The following MLIP variants were observed in gnomAD, a reference collection of about 807,000 sequenced individuals.
MLIP encodes the protein muscular LMNA interacting protein.
MLIP carries 79 observed loss-of-function variants against 84.8 expected under a neutral mutation model. The observed-to-expected ratio is 0.93, with a 90% confidence interval of 0.78 to 1.12. MLIP has a LOEUF of 1.12. MLIP is among the 50% of genes most tolerant of loss of function. The probability of loss-of-function intolerance (pLI) is 0.00; values close to 1 mark genes in which losing one functional copy is unlikely to be tolerated. For missense variants in MLIP, 1,257 were observed against 1,160.6 expected (o/e 1.08, Z -1.21); for synonymous variants, 504 against 463.0 (o/e 1.09, Z -1.14).
chr6:54,205,462 T>C (rs1484585713), intron 11 of MLIP, among the ~76,000 whole-genome samples: 3 of 152,214 alleles, frequency 2.0e-5, no homozygotes, highest in Non-Finnish European at 2.9e-5. Flanking sequence ...TTGGATGGGA[T>C]TGTTAAGTCA....
intron 1 of MLIP, among the ~76,000 whole-genome samples, chr6:54,034,820 C>T (rs1764337165): frequency 6.6e-6 from 1 of 152,078 alleles, no homozygotes; most frequent in Non-Finnish European, 1.5e-5. Context: ...ATGTCCTAGG[C>T]CATCATCCTC....
chr6:54,207,817 A>T (rs940033617), intron 11 of MLIP, among the ~76,000 whole-genome samples: 1 of 152,246 alleles, frequency 6.6e-6, no homozygotes, highest in Non-Finnish European at 1.5e-5. Context: ...GGCCACTGCC[A>T]TATTTAGAAC....
intron 4 of MLIP, among the ~76,000 whole-genome samples, chr6:54,142,911 A>G (rs1772439918): frequency 6.6e-6 from 1 of 151,182 alleles, no homozygotes; most frequent in South Asian, 2.1e-4. Context: ...GAAAAAAACA[A>G]CAACAACAAA....
chr6:54,252,194 ATATAT>A lies in MLIP; in HGVS notation c.2923-5109_2923-5105del, dbSNP rs1265816428. Among the ~76,000 whole-genome samples, 7 of 107,474 alleles carry A rather than the reference ATATAT, an allele frequency of 6.5e-5. No homozygotes were observed. The East Asian group carries it at 1.8e-3, about 27-fold the overall frequency. The allele number at this position is 107,474 out of a possible 152,430, so 70.5% of individuals were successfully genotyped here. A position where few individuals can be genotyped will look rare whatever the true frequency, so the allele number is the denominator to read the frequency against. ...TATTATAACATAATATATAACTATA[ATATAT>A]TATAACATATAATATATAACTATAT... On this transcript the variant is annotated intron_variant, in intron 12 of 13. Transcript: ENST00000502396.
intron 12 of MLIP, among the ~76,000 whole-genome samples, chr6:54,244,475 T>A (rs1781945212): frequency 6.6e-6 from 1 of 152,194 alleles, no homozygotes; most frequent in African/African-American, 2.4e-5. Flanking sequence ...AAGAAGCTTC[T>A]GTTCAAAATG....
At position 54,211,299 on chromosome 6, in the gene MLIP, G is replaced by A. The variant is rs1020860507; in HGVS notation, c.2718+9066G>A. Among the ~76,000 whole-genome samples, 116 of 152,284 alleles carry A rather than the reference G, an allele frequency of 7.6e-4. 1 individual carries two copies. The highest frequency in any genetic ancestry group is 2.8e-3 in the African/African-American group (115 of 41,570). ...TATTTTATCTGCAAAAGGAAAGCAA[G>A]TTTATATGATGTTTATTACATTGGG... On this transcript the variant is annotated intron_variant, in intron 11 of 13. Transcript: ENST00000502396.
At chr6:54,263,835 T>G (rs890365826) in intron 13 of MLIP, among the ~76,000 whole-genome samples, 1 of 152,134 alleles carries the variant, frequency 6.6e-6, no homozygotes, top group Non-Finnish European at 1.5e-5. Context: ...GTTGTTTCAT[T>G]GGCAATATAA....
intron 13 of MLIP, among the ~76,000 whole-genome samples, chr6:54,261,256 T>G (rs910513783): frequency 2.0e-5 from 3 of 152,050 alleles, no homozygotes; most frequent in African/African-American, 4.8e-5. Flanking sequence ...TGCAGACTTG[T>G]TTGTGAAAGT....
chr6:54,155,531 C>T (rs941338962), intron 5 of MLIP, among the ~76,000 whole-genome samples: 5 of 152,080 alleles, frequency 3.3e-5, no homozygotes, highest in African/African-American at 1.2e-4. Flanking sequence ...TTAGATCATT[C>T]TTCCTTTGGA....
At chr6:54,190,013 AT>A (rs2150673257) in intron 10 of MLIP, 99 bp downstream of exon 10, 1 of 804,940 alleles carries the variant, frequency 1.2e-6, no homozygotes, top group Non-Finnish European at 2.0e-6. Context: ...TACTATATAT[AT>A]TTTTATTCAC....
At chr6:54,175,601 T>C (rs1776205575) in intron 9 of MLIP, among the ~76,000 whole-genome samples, 1 of 152,132 alleles carries the variant, frequency 6.6e-6, no homozygotes, top group Admixed American at 6.6e-5. Flanking sequence ...TGATTTTGTA[T>C]CCTGCACCTT....
At chr6:54,103,926 T>C (rs753029838) in intron 1 of MLIP, among the ~76,000 whole-genome samples, 3 of 152,292 alleles carry the variant, frequency 2.0e-5, no homozygotes, top group East Asian at 1.9e-4. Flanking sequence ...TTTTCTATTA[T>C]ATGATACCTT....
At chr6:54,230,416 C>T (rs1047439521) in intron 11 of MLIP, among the ~76,000 whole-genome samples, 5 of 152,154 alleles carry the variant, frequency 3.3e-5, no homozygotes, top group Non-Finnish European at 5.9e-5. Flanking sequence ...TATCTTCTTC[C>T]TTACAGATAT....
At chr6:54,247,822 G>T (rs1457708498) in intron 12 of MLIP, among the ~76,000 whole-genome samples, 3 of 152,104 alleles carry the variant, frequency 2.0e-5, no homozygotes, top group Non-Finnish European at 4.4e-5. Flanking sequence ...GCTCTTGGGG[G>T]TGTACTGCTA....
chr6:54,063,166 C>T (rs1457138209), intron 1 of MLIP: 1 of 150,626 alleles, frequency 6.6e-6, no homozygotes, highest in Non-Finnish European at 1.5e-5. Context: ...GGTGTCATTG[C>T]TTTCCAGCCT....
chr6:54,060,929 G>A (rs114018072), intron 1 of MLIP, among the ~76,000 whole-genome samples: 1,609 of 151,368 alleles, frequency 0.011, 26 homozygotes, highest in African/African-American at 0.038. Context: ...AAATAGGAAA[G>A]AGAGATCTTG....
chr6:54,247,611 G>A (rs9382311), intron 12 of MLIP, among the ~76,000 whole-genome samples: 24,528 of 152,148 alleles, frequency 0.16, 2,497 homozygotes, highest in African/African-American at 0.29. Flanking sequence ...CAACTTTGAA[G>A]TGTAGTTTGA....
At chr6:54,059,161 T>G (rs1765823399) in intron 1 of MLIP, among the ~76,000 whole-genome samples, 1 of 152,102 alleles carries the variant, frequency 6.6e-6, no homozygotes, top group African/African-American at 2.4e-5. Context: ...GCTTGCATGC[T>G]TTCCTTCCTT....
At chr6:54,113,310 C>T (rs936797739) in intron 1 of MLIP, among the ~76,000 whole-genome samples, 1 of 152,130 alleles carries the variant, frequency 6.6e-6, no homozygotes, top group Non-Finnish European at 1.5e-5. Context: ...ATTTGAACTA[C>T]TTCAGTAATT....
Sources: allele counts gnomAD v4.1 joint callset (sites outside exome capture counted in the v4.1 genomes callset), GRCh38; gene constraint gnomAD v4.1.1; transcripts MANE v1.5; gene names NCBI Gene and HGNC (gene_info 2026-07-23, HGNC 2026-07-21).